Variants in ANGPT1 observed in about 807,000 individuals in gnomAD.
The protein encoded by ANGPT1 is angiopoietin-1.
ANGPT1 carries 17 observed loss-of-function variants against 62.2 expected under a neutral mutation model. The ratio of observed to expected loss-of-function variants is 0.27; its 90% confidence interval spans 0.19 to 0.41. The LOEUF (loss-of-function observed/expected upper bound fraction) is 0.41, where lower values mean the gene tolerates loss of function less well. Among genes scored for constraint, ANGPT1 ranks in the 10% least tolerant of loss-of-function variants. ANGPT1 has a pLI of 1.00. For synonymous variants in ANGPT1, 199 were observed against 198.9 expected (o/e 1.00, Z 0.00); for missense variants, 478 against 594.9 (o/e 0.80, Z 2.04).
chr8:107,315,439 C>G (rs1400881979), intron 4 of ANGPT1, among the ~76,000 whole-genome samples: 1 of 152,120 alleles, frequency 6.6e-6, no homozygotes, highest in Non-Finnish European at 1.5e-5. Context: ...AACTTCCTCT[C>G]ACTCATTTTA....
At chr8:107,439,686 T>A (rs1462304120) in intron 1 of ANGPT1, among the ~76,000 whole-genome samples, 1 of 152,224 alleles carries the variant, frequency 6.6e-6, no homozygotes, top group Admixed American at 6.5e-5. Flanking sequence ...TCAAGGCACA[T>A]ACCAGCTGCT....
chr8:107,262,643 C>A (rs1813520443), intron 8 of ANGPT1, among the ~76,000 whole-genome samples: 1 of 152,110 alleles, frequency 6.6e-6, no homozygotes, highest in Non-Finnish European at 1.5e-5. Flanking sequence ...TTTTTCCTTG[C>A]TAATATGAAA....
chr8:107,492,299 G>A (rs574812985), intron 1 of ANGPT1, among the ~76,000 whole-genome samples: 7 of 152,124 alleles, frequency 4.6e-5, no homozygotes, highest in South Asian at 4.1e-4. Flanking sequence ...TTATTTTCAC[G>A]TTTAGTGACA....
chr8:107,272,538 T>C (rs1433542660), intron 7 of ANGPT1, among the ~76,000 whole-genome samples: 1 of 152,012 alleles, frequency 6.6e-6, no homozygotes, highest in Non-Finnish European at 1.5e-5. Flanking sequence ...AGGAACAGTG[T>C]TAGCAGTAAT....
chr8:107,421,328 T>C (rs1382001146), intron 1 of ANGPT1, among the ~76,000 whole-genome samples: 1 of 152,160 alleles, frequency 6.6e-6, no homozygotes, highest in Non-Finnish European at 1.5e-5. Flanking sequence ...CATGGAAATC[T>C]GCCAGTAAAA....
At chr8:107,330,572 G>A (rs1457556431) in intron 3 of ANGPT1, among the ~76,000 whole-genome samples, 2 of 152,146 alleles carry the variant, frequency 1.3e-5, no homozygotes, top group Non-Finnish European at 1.5e-5. Context: ...AAAATAGTCT[G>A]ACTTGCATTT....
At chr8:107,373,674 T>C (rs1457480160) in intron 1 of ANGPT1, among the ~76,000 whole-genome samples, 2 of 152,208 alleles carry the variant, frequency 1.3e-5, no homozygotes, top group Non-Finnish European at 1.5e-5. Flanking sequence ...CTCTTGAATA[T>C]ATTCTTTAAT....
At chr8:107,257,895 G>GT (rs1395847817) in intron 8 of ANGPT1, among the ~76,000 whole-genome samples, 3 of 108,756 alleles carry the variant, frequency 2.8e-5, no homozygotes, top group Non-Finnish European at 5.7e-5. Flanking sequence ...TTGTTTGTTT[G>GT]TTTGTTTGTT....
At chr8:107,465,815 G>A (rs1563635095) in intron 1 of ANGPT1, among the ~76,000 whole-genome samples, 2 of 152,164 alleles carry the variant, frequency 1.3e-5, no homozygotes, top group African/African-American at 4.8e-5. Context: ...AGAGACCACT[G>A]TGGTTCTTCT....
intron 5 of ANGPT1, 66 bp downstream of exon 5, chr8:107,303,174 T>A (rs1814633917): frequency 6.4e-7 from 1 of 1,558,412 alleles, no homozygotes; most frequent in Non-Finnish European, 8.8e-7. Flanking sequence ...CACAAATCAA[T>A]CTGATTATCC....
At chr8:107,472,846 A>G (rs1028091376) in intron 1 of ANGPT1, among the ~76,000 whole-genome samples, 18 of 152,134 alleles carry the variant, frequency 1.2e-4, no homozygotes, top group African/African-American at 4.1e-4. Flanking sequence ...CAACAAAAGC[A>G]GGAAGCATGG....
At chr8:107,326,919 C>A (rs1294161717) in intron 3 of ANGPT1, among the ~76,000 whole-genome samples, 2 of 152,056 alleles carry the variant, frequency 1.3e-5, no homozygotes, top group Non-Finnish European at 2.9e-5. Flanking sequence ...ACTGCTGTGT[C>A]AATGAACATC....
chr8:107,449,481 T>C (rs2130450230), intron 1 of ANGPT1, among the ~76,000 whole-genome samples: 1 of 151,456 alleles, frequency 6.6e-6, no homozygotes, highest in Middle Eastern at 3.4e-3. Context: ...GGTCCTCAAA[T>C]CAACAGTTTC....
chr8:107,326,045 C>T (rs1342454642), intron 3 of ANGPT1, among the ~76,000 whole-genome samples: 5 of 152,190 alleles, frequency 3.3e-5, no homozygotes, highest in African/African-American at 9.6e-5. Context: ...CACATTAGCA[C>T]GTTAGACAGA....
chr8:107,341,860 G>A (rs999575468), intron 2 of ANGPT1, among the ~76,000 whole-genome samples: 3 of 151,918 alleles, frequency 2.0e-5, no homozygotes, highest in African/African-American at 7.3e-5. Context: ...TCGAGTAGCT[G>A]TAAATAAGCA....
chr8:107,350,293 G>A (rs1299469591), intron 1 of ANGPT1, among the ~76,000 whole-genome samples: 1 of 152,070 alleles, frequency 6.6e-6, no homozygotes, highest in Non-Finnish European at 1.5e-5. Flanking sequence ...TTCCTCCTGA[G>A]AGAGTTCACT....
chr8:107,282,553 C>CATATATATATATATATAT (rs753412026), intron 7 of ANGPT1, among the ~76,000 whole-genome samples: 1 of 51,072 alleles, frequency 2.0e-5, no homozygotes, highest in Non-Finnish European at 3.8e-5. Flanking sequence ...ATATATGAAC[C>CATATATATATATATATAT]ATATATATAT....
chr8:107,496,457 T>C (rs573428413), intron 1 of ANGPT1, among the ~76,000 whole-genome samples: 256 of 152,324 alleles, frequency 1.7e-3, no homozygotes, highest in African/African-American at 5.8e-3. Flanking sequence ...TCAAATAACA[T>C]GGATACTTAA....
At position 107,347,115 on chromosome 8, in the gene ANGPT1, C is replaced by A; in HGVS notation, c.298-18G>T. ...TTCTCAAGCTGCAAGAGATAAAGAACAAAACATATTACATTATAAGCAAGG... is the reference window on the plus strand; with the variant it reads ...TTCTCAAGCTGCAAGAGATAAAGAAAAAAACATATTACATTATAAGCAAGG... On this transcript the variant is annotated intron_variant, in intron 1 of 8. Coordinates refer to ENST00000517746, the MANE Select transcript of ANGPT1 (RefSeq NM_001146.5). 6.2e-7 allele frequency: 1 copy of A among 1,608,074 alleles called. No homozygotes were observed. The highest frequency in any genetic ancestry group is 8.5e-7 in the Non-Finnish European group (1 of 1,176,314).
Sources: allele counts gnomAD v4.1 joint callset (sites outside exome capture counted in the v4.1 genomes callset), GRCh38; gene constraint gnomAD v4.1.1; transcripts MANE v1.5; gene names NCBI Gene and HGNC (gene_info 2026-07-23, HGNC 2026-07-21).